Variants in TMTC2 observed in about 807,000 individuals in gnomAD.
The protein encoded by TMTC2 is transmembrane O-mannosyltransferase targeting cadherins 2.
TMTC2 carries 43 observed loss-of-function variants against 82.4 expected under a neutral mutation model. The ratio of observed to expected loss-of-function variants is 0.52; its 90% CI spans 0.41 to 0.67. TMTC2 has a LOEUF of 0.67. Ranked by LOEUF, TMTC2 falls within the 30% of genes least tolerant of loss-of-function variation. TMTC2 has a pLI of 0.00. For missense variants in TMTC2, 919 were observed against 1,012.4 expected (o/e 0.91, Z 1.25); for synonymous variants, 408 against 381.9 (o/e 1.07, Z -0.80).
Position 82,726,596 on chromosome 12 carries a change from C to T in TMTC2, c.83+38927C>T, listed in dbSNP as rs142434586. Among the ~76,000 whole-genome samples, 326 of 152,176 alleles carry T rather than the reference C, an allele frequency of 2.1e-3. 1 individual carries two copies. Among genetic ancestry groups the T allele is most frequent in the African/African-American group, 7.3e-3 (305 of 41,538 alleles). On this transcript the variant is annotated intron_variant, in intron 1 of 11. Coordinates refer to ENST00000321196, the MANE Select transcript of TMTC2 (RefSeq NM_152588.3). Reference sequence around the variant, plus strand: ...GTCACATAGCTAGAAAGTGGCAAAGCCAAGTCTGGTGTGGTGGCTCACGCC... The same window carrying T: ...GTCACATAGCTAGAAAGTGGCAAAGTCAAGTCTGGTGTGGTGGCTCACGCC...
intron 1 of TMTC2, among the ~76,000 whole-genome samples, chr12:82,847,451 A>G (rs1035349521): frequency 1.2e-4 from 18 of 152,302 alleles, no homozygotes; most frequent in African/African-American, 4.3e-4. Context: ...CTGGGTATAT[A>G]CCCAAAGGAT....
intron 1 of TMTC2, among the ~76,000 whole-genome samples, chr12:82,835,506 A>G (rs931602062): frequency 2.6e-5 from 4 of 152,162 alleles, no homozygotes; most frequent in Admixed American, 2.6e-4. Context: ...TCCTATTCCT[A>G]TTAAACTTAG....
At chr12:82,749,292 C>G (rs574940921) in intron 1 of TMTC2, among the ~76,000 whole-genome samples, 1 of 150,368 alleles carries the variant, frequency 6.7e-6, no homozygotes. Context: ...ATGCTAAACT[C>G]TTTTAATTTA....
chr12:83,047,992 CTA>C (rs757033375), intron 9 of TMTC2, among the ~76,000 whole-genome samples: 2 of 152,056 alleles, frequency 1.3e-5, no homozygotes, highest in Non-Finnish European at 2.9e-5. Context: ...ATTTTTCTAA[CTA>C]TTAATATAGA....
chr12:82,769,208 C>T (rs943391147), intron 1 of TMTC2, among the ~76,000 whole-genome samples: 3 of 151,896 alleles, frequency 2.0e-5, no homozygotes, highest in Non-Finnish European at 4.4e-5. Context: ...CATGGTGGCT[C>T]ACTCCTGTAA....
intron 1 of TMTC2, among the ~76,000 whole-genome samples, chr12:82,769,608 G>T (rs943770295): frequency 6.6e-6 from 1 of 152,118 alleles, no homozygotes; most frequent in African/African-American, 2.4e-5. Context: ...TGATGTTAAA[G>T]ACACTTACTA....
At chr12:82,844,124 T>C (rs1019964442) in intron 1 of TMTC2, among the ~76,000 whole-genome samples, 1 of 152,230 alleles carries the variant, frequency 6.6e-6, no homozygotes, top group Non-Finnish European at 1.5e-5. Context: ...TTTACTTTCC[T>C]GGTCTGGTAG....
chr12:82,810,200 A>G (rs969527343), intron 1 of TMTC2, among the ~76,000 whole-genome samples: 10 of 151,146 alleles, frequency 6.6e-5, no homozygotes, highest in African/African-American at 2.0e-4. Context: ...AAGCATAGAA[A>G]AAGTGGACTT....
chr12:82,884,820 A>G lies in TMTC2; in HGVS notation c.655-10998A>G, dbSNP rs550757341. Among the ~76,000 whole-genome samples the G allele has an allele frequency of 2.6e-5, 4 of 152,222 alleles. No homozygotes were observed. The East Asian group carries it at 7.7e-4, about 29-fold the overall frequency. Reference sequence around the variant, plus strand: ...TTACCTAATGTCATTTTTCAGTTCCATGGTGTCAGCTGGGATGGCACATTT... The same window carrying G: ...TTACCTAATGTCATTTTTCAGTTCCGTGGTGTCAGCTGGGATGGCACATTT... On this transcript the variant is annotated intron_variant, in intron 2 of 11. Transcript: ENST00000321196.
At chr12:83,004,690 A>G (rs1000533564) in intron 8 of TMTC2, among the ~76,000 whole-genome samples, 3 of 94,374 alleles carry the variant, frequency 3.2e-5, no homozygotes, top group Non-Finnish European at 6.6e-5. Flanking sequence ...AGATTCCTGC[A>G]TTTTGTTTCA....
intron 1 of TMTC2, among the ~76,000 whole-genome samples, chr12:82,800,068 G>C (rs1399269866): frequency 6.6e-6 from 1 of 152,102 alleles, no homozygotes; most frequent in Admixed American, 6.6e-5. Flanking sequence ...TTAAGCTCTA[G>C]AATCTAACCT....
At chr12:83,042,407 G>A (rs548078605) in intron 9 of TMTC2, among the ~76,000 whole-genome samples, 19 of 152,114 alleles carry the variant, frequency 1.2e-4, no homozygotes, top group South Asian at 4.1e-4. Flanking sequence ...TGTATTCCTC[G>A]TCTAGTTGCA....
chr12:82,963,792 CATATATATATATAT>C (rs58960088), intron 4 of TMTC2, among the ~76,000 whole-genome samples: 870 of 53,038 alleles, frequency 0.016, 126 homozygotes, highest in Middle Eastern at 0.097. Context: ...TCCAGATTTT[CATATATATATATAT>C]ATATATATAT....
intron 11 of TMTC2, among the ~76,000 whole-genome samples, chr12:83,103,442 C>T (rs1413528875): frequency 6.6e-6 from 1 of 152,030 alleles, no homozygotes; most frequent in African/African-American, 2.4e-5. Flanking sequence ...TCTCAGGAGG[C>T]CTCAAGGCGC....
At chr12:82,903,935 A>G (rs1874162946) in intron 3 of TMTC2, among the ~76,000 whole-genome samples, 1 of 152,162 alleles carries the variant, frequency 6.6e-6, no homozygotes, top group South Asian at 2.1e-4. Flanking sequence ...ATGCTTTATC[A>G]TGAGAGGGTT....
chr12:82,846,067 A>G (rs982505959), intron 1 of TMTC2, among the ~76,000 whole-genome samples: 5 of 152,024 alleles, frequency 3.3e-5, no homozygotes, highest in Non-Finnish European at 7.4e-5. Flanking sequence ...TCTCCTACTA[A>G]GAGGAAAGAG....
At chr12:82,914,691 A>G (rs1201228716) in intron 3 of TMTC2, among the ~76,000 whole-genome samples, 1 of 152,110 alleles carries the variant, frequency 6.6e-6, no homozygotes, top group Admixed American at 6.6e-5. Flanking sequence ...TGCTTTTAGT[A>G]TATAATAATC....
intron 8 of TMTC2, among the ~76,000 whole-genome samples, chr12:83,030,021 A>G (rs1359540035): frequency 6.6e-6 from 1 of 152,138 alleles, no homozygotes; most frequent in East Asian, 1.9e-4. Context: ...CTTGAGATTC[A>G]CCAAATTGTG....
rs190946757 is a variant in TMTC2, at chr12:83,013,432, C to G, written c.2071-17366C>G. Among the ~76,000 whole-genome samples the G allele has an allele frequency of 2.6e-5, 4 of 152,248 alleles. No individual in the cohort carries two copies. In the East Asian group the frequency reaches 7.7e-4, roughly 29 times the overall value. Reference sequence around the variant, plus strand: ...TAACTTCATTTGATCATTAATCCACCTAGGCTAGCAATACTTAAAACTGCC... The same window carrying G: ...TAACTTCATTTGATCATTAATCCACGTAGGCTAGCAATACTTAAAACTGCC... On this transcript the variant is annotated intron_variant, in intron 8 of 11. Transcript: ENST00000321196.
Sources: gnomAD v4.1 joint callset for allele counts (sites outside exome capture counted in the v4.1 genomes callset) on GRCh38, gnomAD v4.1.1 for gene constraint, MANE v1.5 for transcripts, NCBI Gene and HGNC (gene_info 2026-07-23, HGNC 2026-07-21) for gene names.